EYS: variants seen among roughly 807,000 people sequenced by gnomAD.
The protein encoded by EYS is EGF-like photoreceptor maintenance factor.
Under a neutral mutation model 282.1 loss-of-function variants are expected in EYS, and 250 were observed. The ratio of observed to expected loss-of-function variants is 0.89; its 90% CI spans 0.80 to 0.98. The LOEUF is 0.98. Ranked by LOEUF, EYS falls within the 50% of genes least tolerant of loss-of-function variation. The pLI, the probability that EYS is intolerant of heterozygous loss-of-function variation, is 0.00. For missense variants in EYS, 4,016 were observed against 3,709.0 expected (o/e 1.08, Z -2.15); for synonymous variants, 1,355 against 1,282.9 (o/e 1.06, Z -1.20).
At chr6:64,489,492 A>G (rs1393700971) in intron 26 of EYS, among the ~76,000 whole-genome samples, 1 of 148,650 alleles carries the variant, frequency 6.7e-6, no homozygotes, top group Non-Finnish European at 1.5e-5. Context: ...AATATTGGAA[A>G]TATAAAAATT....
chr6:65,644,073 A>G (rs1767374241), intron 1 of EYS, among the ~76,000 whole-genome samples: 1 of 152,152 alleles, frequency 6.6e-6, no homozygotes, highest in South Asian at 2.1e-4. Flanking sequence ...ACCAAGATGA[A>G]ATCTCTGAAT....
At position 64,710,393 on chromosome 6, in the gene EYS, C is replaced by A. The variant is rs560418713; in HGVS notation, c.3444-84148G>T. 2.4e-3 allele frequency among the ~76,000 whole-genome samples: 358 copies of A among 152,340 alleles called. 1 individual carries two copies. Among genetic ancestry groups the A allele is most frequent in the Non-Finnish European group, 4.1e-3 (281 of 68,042 alleles). Reference sequence around the variant, plus strand: ...GTGCCAAGCATGGGCCATCCCTTCACCTGCATAGGGCACCAATTCACCTCA... The same window carrying A: ...GTGCCAAGCATGGGCCATCCCTTCAACTGCATAGGGCACCAATTCACCTCA... On this transcript the variant is annotated intron_variant, in intron 22 of 42. Coordinates refer to ENST00000503581, the MANE Select transcript of EYS (RefSeq NM_001142800.2).
intron 37 of EYS, among the ~76,000 whole-genome samples, chr6:63,799,827 G>C (rs182694787): frequency 9.8e-5 from 15 of 152,330 alleles, no homozygotes; most frequent in Admixed American, 7.2e-4. Context: ...AGAGATCCAA[G>C]TTTGTCAGAG....
chr6:64,253,750 A>AGT (rs1767298185), intron 30 of EYS, among the ~76,000 whole-genome samples: 1 of 151,624 alleles, frequency 6.6e-6, no homozygotes, highest in African/African-American at 2.4e-5. Flanking sequence ...GACTTAGTGC[A>AGT]GGGGGGTTTA....
At chr6:64,844,115 C>T (rs961640886) in intron 19 of EYS, among the ~76,000 whole-genome samples, 12 of 152,078 alleles carry the variant, frequency 7.9e-5, no homozygotes, top group Non-Finnish European at 1.2e-4. Flanking sequence ...AACTGTAAGT[C>T]CAATTAAACC....
chr6:65,167,173 C>T (rs372046350), intron 12 of EYS, among the ~76,000 whole-genome samples: 2 of 151,082 alleles, frequency 1.3e-5, no homozygotes, highest in Non-Finnish European at 3.0e-5. Flanking sequence ...TACAGCATAG[C>T]AATTTTATCC....
intron 2 of EYS, among the ~76,000 whole-genome samples, chr6:65,595,602 G>A (rs953464531): frequency 2.0e-5 from 3 of 150,916 alleles, no homozygotes; most frequent in Admixed American, 1.3e-4. Context: ...GTTAATGCAT[G>A]TAAAATACCT....
Position 65,204,895 on chromosome 6 carries a change from C to A in EYS, c.2023+90968G>T, listed in dbSNP as rs1354970979. On this transcript the variant is annotated intron_variant, in intron 12 of 42. Transcript: ENST00000503581. ...TTCTGGAAGAACGTATTTATATATTCTGGAAGAATGTATTTATATATTCTT... is the reference window on the plus strand; with the variant it reads ...TTCTGGAAGAACGTATTTATATATTATGGAAGAATGTATTTATATATTCTT... Among the ~76,000 whole-genome samples the A allele has an allele frequency of 3.9e-5, 4 of 101,536 alleles. No individual in the cohort carries two copies. In the Admixed American group the frequency reaches 4.1e-4, roughly 10 times the overall value. 66.6% of individuals were successfully genotyped at this position (101,536 alleles called of 152,430 possible). A position where few individuals can be genotyped will look rare whatever the true frequency, so the allele number is the denominator to read the frequency against.
chr6:65,508,132 T>G (rs1766726236), intron 2 of EYS, among the ~76,000 whole-genome samples: 1 of 152,160 alleles, frequency 6.6e-6, no homozygotes, highest in Non-Finnish European at 1.5e-5. Flanking sequence ...GCCTAAGACT[T>G]GATTTCAAAT....
chr6:65,347,752 A>G (rs1373609199), intron 9 of EYS, among the ~76,000 whole-genome samples: 6 of 151,618 alleles, frequency 4.0e-5, no homozygotes, highest in South Asian at 2.1e-4. Context: ...TCTTTTAATT[A>G]CTTAAAAATG....
At chr6:65,451,514 C>T (rs1037144720) in intron 5 of EYS, among the ~76,000 whole-genome samples, 2 of 151,942 alleles carry the variant, frequency 1.3e-5, no homozygotes, top group African/African-American at 4.8e-5. Context: ...AATCACAGAT[C>T]CTTAAGAGTT....
At chr6:64,729,760 T>A (rs1266070115) in intron 22 of EYS, among the ~76,000 whole-genome samples, 1 of 152,214 alleles carries the variant, frequency 6.6e-6, no homozygotes, top group Non-Finnish European at 1.5e-5. Flanking sequence ...GATTTTTTTT[T>A]TACACAATGT....
intron 19 of EYS, among the ~76,000 whole-genome samples, chr6:64,841,176 GA>G (rs900917875): frequency 3.0e-4 from 45 of 152,088 alleles, no homozygotes; most frequent in African/African-American, 1.0e-3. Context: ...TAGACCTATA[GA>G]AAGAGAAAAG....
At chr6:65,189,977 CAGAG>C (rs1357069457) in intron 12 of EYS, among the ~76,000 whole-genome samples, 56 of 151,650 alleles carry the variant, frequency 3.7e-4, no homozygotes, top group African/African-American at 1.3e-3. Flanking sequence ...TTCCTCGGGC[CAGAG>C]ACAGCATGTA....
intron 31 of EYS, among the ~76,000 whole-genome samples, chr6:64,216,940 C>T (rs774715298): frequency 1.3e-5 from 2 of 152,120 alleles, no homozygotes; most frequent in African/African-American, 4.8e-5. Flanking sequence ...GACTAAATTC[C>T]CTATCTTCCC....
chr6:64,049,013 A>C (rs1295564491), intron 33 of EYS, among the ~76,000 whole-genome samples: 4 of 152,088 alleles, frequency 2.6e-5, no homozygotes, highest in Non-Finnish European at 5.9e-5. Flanking sequence ...AAGTGGCCCA[A>C]CTTCCTCATA....
chr6:65,549,720 G>C (rs1052184526), intron 2 of EYS, among the ~76,000 whole-genome samples: 73 of 152,198 alleles, frequency 4.8e-4, no homozygotes, highest in African/African-American at 1.6e-3. Context: ...GATATACTGG[G>C]GGCTTAATGC....
chr6:65,289,476 A>G (rs1447894808), intron 12 of EYS, among the ~76,000 whole-genome samples: 1 of 151,134 alleles, frequency 6.6e-6, no homozygotes, highest in African/African-American at 2.4e-5. Flanking sequence ...AAATATGTGG[A>G]TATGTTATAT....
At chr6:63,920,849 A>G (rs1185793544) in intron 35 of EYS, among the ~76,000 whole-genome samples, 1 of 151,578 alleles carries the variant, frequency 6.6e-6, no homozygotes, top group Admixed American at 6.6e-5. Context: ...GACCTCAGAT[A>G]AGGCCCTCAC....
Sources: gnomAD v4.1 joint callset for allele counts (sites outside exome capture counted in the v4.1 genomes callset) on GRCh38, gnomAD v4.1.1 for gene constraint, MANE v1.5 for transcripts, NCBI Gene and HGNC (gene_info 2026-07-23, HGNC 2026-07-21) for gene names.